The following STIM1 variants were observed in gnomAD, a reference collection of about 807,000 sequenced individuals.
STIM1 encodes the protein stromal interaction molecule 1.
In STIM1, 25 loss-of-function variants were observed where a neutral mutation model predicts 74.7. The ratio of observed to expected loss-of-function variants is 0.33; its 90% CI spans 0.24 to 0.47. The LOEUF is 0.47. STIM1 is among the 20% of genes least tolerant of loss of function. The pLI is 1.00. For synonymous variants in STIM1, 328 were observed against 348.8 expected, an observed-to-expected ratio of 0.94 and a Z score of 0.66; for missense variants, 728 against 920.8, an observed-to-expected ratio of 0.79 and a Z score of 2.71.
intron 1 of STIM1, among the ~76,000 whole-genome samples, chr11:3,963,941 G>T (rs976659228): frequency 9.2e-5 from 14 of 152,322 alleles, no homozygotes; most frequent in South Asian, 4.1e-4. Flanking sequence ...GATGGGAACT[G>T]TTTACTTGCT....
At chr11:3,879,144 C>G (rs879811951) in intron 1 of STIM1, among the ~76,000 whole-genome samples, 1 of 152,008 alleles carries the variant, frequency 6.6e-6, no homozygotes, top group East Asian at 1.9e-4. Flanking sequence ...TTAGTAGAGA[C>G]GGGGTTTCAC....
At chr11:4,088,803 G>C (rs2094507629) in intron 12 of STIM1, 1 of 1,483,992 alleles carries the variant, frequency 6.7e-7, no homozygotes. Flanking sequence ...TGGCCTGATT[G>C]TTCTCAGTGA....
intron 1 of STIM1, among the ~76,000 whole-genome samples, chr11:3,934,961 G>A (rs1278256429): frequency 1.3e-5 from 2 of 152,202 alleles, no homozygotes; most frequent in Non-Finnish European, 2.9e-5. Flanking sequence ...TGGCCCTGTG[G>A]GGCAGTGCAA....
intron 12 of STIM1, among the ~76,000 whole-genome samples, chr11:4,090,117 G>T (rs1346073674): frequency 6.6e-6 from 1 of 152,164 alleles, no homozygotes; most frequent in African/African-American, 2.4e-5. Context: ...GAAGCCTCTT[G>T]CGACCGGCCC....
chr11:3,906,929 G>C (rs1029374811), intron 1 of STIM1, among the ~76,000 whole-genome samples: 1 of 152,214 alleles, frequency 6.6e-6, no homozygotes, highest in African/African-American at 2.4e-5. Flanking sequence ...ATGGCTGAGA[G>C]AGAGAAGATT....
At chr11:4,072,062 G>A (rs1813287672) in intron 6 of STIM1, among the ~76,000 whole-genome samples, 1 of 152,154 alleles carries the variant, frequency 6.6e-6, no homozygotes, top group South Asian at 2.1e-4. Flanking sequence ...TGAAAAACAT[G>A]TACTGTTTCC....
rs533418454 is a variant in STIM1 at position 4,076,624 on chromosome 11, G to A, written c.969+1945G>A. The stretch of plus-strand genomic sequence containing the variant: ...TTTATTGTTTGTCTTTTCACATTTA[G>A]GGATATTATTTCAAATTAACTTTTG... On this transcript the variant is annotated intron_variant, in intron 7 of 12. Transcript: ENST00000526596. 6.0e-5 allele frequency among the ~76,000 whole-genome samples: 9 copies of A among 150,686 alleles called. No individual in the cohort carries two copies. The East Asian group carries it at 1.7e-3, about 29-fold the overall frequency.
chr11:3,928,476 C>T (rs1315604322), intron 1 of STIM1, among the ~76,000 whole-genome samples: 1 of 152,172 alleles, frequency 6.6e-6, no homozygotes, highest in African/African-American at 2.4e-5. Flanking sequence ...ATCCACCCAC[C>T]TCGGCCTCCC....
chr11:4,014,746 C>T (rs910205057), intron 2 of STIM1, among the ~76,000 whole-genome samples: 3 of 152,166 alleles, frequency 2.0e-5, no homozygotes, highest in Admixed American at 1.3e-4. Flanking sequence ...GTATTGGGTG[C>T]ATATATATTT....
At chr11:3,882,474 C>T (rs931700613) in intron 1 of STIM1, among the ~76,000 whole-genome samples, 6 of 152,146 alleles carry the variant, frequency 3.9e-5, no homozygotes, top group South Asian at 2.1e-4. Flanking sequence ...TTCATCCACA[C>T]GTGGGCAATT....
In STIM1 at chr11:4,082,932, G is replaced by A. The variant is rs1175334637; in HGVS notation, c.1188G>A (p.Val396=). The A allele has an allele frequency of 4.3e-6, 7 of 1,614,090 alleles. No individual in the cohort carries two copies. In the South Asian group the frequency reaches 7.7e-5, roughly 18 times the overall value. Residue 396 remains valine (V), a synonymous_variant, in exon 9 of 13, where the codon GTG becomes GTA. Coordinates refer to ENST00000526596, the MANE Select transcript of STIM1 (RefSeq NM_001382567.1). ...KRNTLFGTFH[V]AHSSSLDDVD... ...ACACACTCTTTGGCACCTTCCACGTGGCCCACAGCTCTTCCCTGGATGATG... is the reference window on the plus strand; with the variant it reads ...ACACACTCTTTGGCACCTTCCACGTAGCCCACAGCTCTTCCCTGGATGATG...
chr11:4,023,828 T>C (rs2093977773), intron 2 of STIM1, 45 bp from the exon 3 acceptor site: 1 of 1,507,064 alleles, frequency 6.6e-7, no homozygotes, highest in African/African-American at 1.4e-5. Context: ...CTTGACGGGC[T>C]GACTCCTAGG....
intron 1 of STIM1, among the ~76,000 whole-genome samples, chr11:3,959,361 G>T (rs533850357): frequency 2.0e-5 from 3 of 152,198 alleles, no homozygotes; most frequent in Non-Finnish European, 4.4e-5. Flanking sequence ...TTGGTGGTGG[G>T]AATTGGTGGG....
At chr11:3,972,989 C>T (rs1469379002) in intron 2 of STIM1, 6 of 511,054 alleles carry the variant, frequency 1.2e-5, no homozygotes, top group Non-Finnish European at 2.3e-5. Flanking sequence ...AAATTGCTTT[C>T]ACTGCCACCA....
rs7113148 is a variant in STIM1, at chr11:3,902,510, C to T, written c.139+46101C>T. On this transcript the variant is annotated intron_variant, in intron 1 of 12. Coordinates refer to ENST00000526596, the MANE Select transcript of STIM1 (RefSeq NM_001382567.1). ...AGGCATTAGATTCTCATAAGGAGCA[C>T]GCAACCTAGATTCCTCGCATGTGCA... is the stretch of plus-strand genomic sequence containing the variant. 5.4e-3 allele frequency among the ~76,000 whole-genome samples: 824 copies of T among 152,084 alleles called. 6 individuals are homozygous for T. The highest frequency in any genetic ancestry group is 0.019 in the African/African-American group (779 of 41,476).
chr11:4,062,433 A>C (rs2094337421), intron 5 of STIM1, among the ~76,000 whole-genome samples: 1 of 152,228 alleles, frequency 6.6e-6, no homozygotes, highest in African/African-American at 2.4e-5. Flanking sequence ...CAGCCTGGCC[A>C]ACATGGCAAA....
intron 2 of STIM1, among the ~76,000 whole-genome samples, chr11:3,992,077 A>ATTT: frequency 8.7e-6 from 1 of 115,602 alleles, no homozygotes; most frequent in African/African-American, 3.1e-5. Flanking sequence ...CCTTGCCAAC[A>ATTT]TCTGTTTTTT....
chr11:4,005,964 C>G (rs905468788), intron 2 of STIM1, among the ~76,000 whole-genome samples: 2 of 152,036 alleles, frequency 1.3e-5, no homozygotes, highest in Non-Finnish European at 1.5e-5. Flanking sequence ...GCTAGATGTT[C>G]AAGAGGTAAA....
chr11:3,946,276 C>CA (rs1490988855), intron 1 of STIM1, among the ~76,000 whole-genome samples: 1 of 152,146 alleles, frequency 6.6e-6, no homozygotes, highest in Admixed American at 6.5e-5. Context: ...AAATGGGAAT[C>CA]AAAATATTTG....
Sources: gnomAD v4.1 joint callset for allele counts (sites outside exome capture counted in the v4.1 genomes callset) on GRCh38, gnomAD v4.1.1 for gene constraint, MANE v1.5 for transcripts, NCBI Gene and HGNC (gene_info 2026-07-23, HGNC 2026-07-21) for gene names.